The following HAAO variants were observed in gnomAD, a reference collection of about 807,000 sequenced individuals.
The protein encoded by HAAO is 3-hydroxyanthranilate oxygenase.
In HAAO, 49 loss-of-function variants were observed where a neutral mutation model predicts 46.2. The observed-to-expected ratio is 1.06, with a 90% CI of 0.84 to 1.34. The LOEUF is 1.34. Among genes scored for constraint, HAAO ranks in the 40% most tolerant of loss-of-function variants. The pLI is 0.00. For missense variants in HAAO, 408 were observed against 364.5 expected (o/e 1.12, Z -0.97); for synonymous variants, 157 against 145.2 (o/e 1.08, Z -0.58).
At position 42,770,502 on chromosome 2, in the gene HAAO, A is replaced by G; in HGVS notation, c.431T>C (p.Ile144Thr). ...CKDLGTQLAPIIQEFFSSEQY... is the reference protein window; with the variant it reads ...CKDLGTQLAPTIQEFFSSEQY... ...TGGGCTGGGGGCTCACTCCTGGATG[A>G]TGGGGGCCAACTGCGTGCCGAGGTC... Residue 144 changes from isoleucine (I) to threonine (T), a missense_variant, in exon 5 of 10, where the codon ATC becomes ACC. Transcript: ENST00000294973. 3 of 1,550,330 alleles carry G rather than the reference A, an allele frequency of 1.9e-6. No homozygotes were observed. Among genetic ancestry groups the G allele is most frequent in the Non-Finnish European group, 2.6e-6 (3 of 1,145,988 alleles).
chr2:42,788,768 T>C (rs940392944), intron 1 of HAAO, among the ~76,000 whole-genome samples, 161 bp from the exon 2 acceptor site: 1 of 152,238 alleles, frequency 6.6e-6, no homozygotes, highest in Non-Finnish European at 1.5e-5. Context: ...CCCCGGTTCA[T>C]GCCTGCGTGC....
chr2:42,788,640 A>G (rs745690562), intron 1 of HAAO, 33 bp from the exon 2 acceptor site: 1 of 1,296,598 alleles, frequency 7.7e-7, no homozygotes, highest in Non-Finnish European at 1.1e-6. Flanking sequence ...GACGTTCTAA[A>G]CCATCTCCTA....
At chr2:42,788,307 C>A (rs970447388) in intron 2 of HAAO, among the ~76,000 whole-genome samples, 1 of 152,196 alleles carries the variant, frequency 6.6e-6, no homozygotes, top group African/African-American at 2.4e-5. Context: ...TCCTGGGGCT[C>A]CCCCAGCAGA....
rs566869006 is a variant in HAAO, at chr2:42,775,399, A to C, written c.351-4817T>G. Among the ~76,000 whole-genome samples, 12 of 152,292 alleles carry C rather than the reference A, an allele frequency of 7.9e-5. No individual in the cohort carries two copies. The South Asian group carries it at 1.9e-3, about 24-fold the overall frequency. ...CTTTTGCTAGCCAGGCAAAACTGAA[A>C]GAGCAATGGCTGTACTTCTGAAACA... On this transcript the variant is annotated intron_variant, in intron 4 of 9. Coordinates refer to ENST00000294973, the MANE Select transcript of HAAO (RefSeq NM_012205.3).
Position 42,769,871 on chromosome 2 carries a change from C to G in HAAO, c.485-13G>C, listed in dbSNP as rs1416278794. The G allele has an allele frequency of 1.2e-6, 2 of 1,601,132 alleles. No homozygotes were observed. Among genetic ancestry groups the G allele is most frequent in the African/African-American group, 2.7e-5 (2 of 74,684 alleles). ...TTGAGCAGCTGGTCTGCACCCACAG[C>G]ATGACTATAGTCGGTGTCCTCAGGA... On this transcript the variant is annotated splice_polypyrimidine_tract_variant and intron_variant, in intron 6 of 9. Coordinates refer to ENST00000294973, the MANE Select transcript of HAAO (RefSeq NM_012205.3).
chr2:42,771,136 G>A (rs1187796075), intron 4 of HAAO, among the ~76,000 whole-genome samples: 1 of 152,078 alleles, frequency 6.6e-6, no homozygotes, highest in Non-Finnish European at 1.5e-5. Context: ...CAGCACTTTG[G>A]GAGGCTGAGA....
chr2:42,775,452 G>A (rs904744914), intron 4 of HAAO, among the ~76,000 whole-genome samples: 2 of 152,006 alleles, frequency 1.3e-5, no homozygotes, highest in African/African-American at 2.4e-5. Flanking sequence ...CTGAAATACG[G>A]TAATGAGATT....
intron 1 of HAAO, 138 bp from the exon 2 acceptor site, chr2:42,788,745 C>T (rs552788318): frequency 1.3e-4 from 90 of 681,078 alleles, no homozygotes; most frequent in Middle Eastern, 9.4e-4. Flanking sequence ...TGTCCCTGTT[C>T]CCCAACTCTC....
chr2:42,787,034 C>A (rs1390713510), intron 2 of HAAO, among the ~76,000 whole-genome samples: 3 of 152,128 alleles, frequency 2.0e-5, no homozygotes, highest in Non-Finnish European at 4.4e-5. Flanking sequence ...ACCACCCCGC[C>A]ACCAAAACCT....
intron 4 of HAAO, among the ~76,000 whole-genome samples, chr2:42,781,718 CA>C (rs1424950680): frequency 6.6e-6 from 1 of 151,796 alleles, no homozygotes; most frequent in African/African-American, 2.4e-5. Flanking sequence ...ACTAAAAATT[CA>C]AAAAATTAGC....
At chr2:42,782,732 C>G (rs143788834) in intron 4 of HAAO, 7,697 of 276,902 alleles carry the variant, frequency 0.028, 142 homozygotes, top group Middle Eastern at 0.074. Flanking sequence ...TAATCAGAAA[C>G]TCAAAAGAAT....
intron 9 of HAAO, 36 bp downstream of exon 9, chr2:42,767,559 T>C: frequency 6.3e-7 from 1 of 1,590,918 alleles, no homozygotes; most frequent in Non-Finnish European, 8.6e-7. Flanking sequence ...AGTTGGACCC[T>C]GAGGATCCCA....
intron 4 of HAAO, among the ~76,000 whole-genome samples, chr2:42,776,788 C>T (rs759926990): frequency 4.0e-5 from 6 of 151,550 alleles, no homozygotes; most frequent in East Asian, 4.0e-4. Context: ...CCTGCCACCA[C>T]GCCCAGCTAA....
intron 3 of HAAO, 71 bp from the exon 4 acceptor site, chr2:42,783,491 C>T (rs898447432): frequency 6.1e-6 from 6 of 986,998 alleles, no homozygotes; most frequent in Non-Finnish European, 9.4e-6. Flanking sequence ...CCCCAACATC[C>T]TGGGCATCCC....
intron 1 of HAAO, among the ~76,000 whole-genome samples, chr2:42,790,528 GTTTGTTTTTTT>G (rs1672711834): frequency 6.8e-6 from 1 of 147,744 alleles, no homozygotes; most frequent in Non-Finnish European, 1.5e-5. Context: ...AACCTGGAAA[GTTTGTTTTTTT>G]TTTTTTTTTT....
Position 42,767,614 on chromosome 2 carries a change from G to A in HAAO, c.763C>T (p.Leu255=). 6.4e-7 allele frequency: 1 copy of A among 1,574,558 alleles called. No individual in the cohort carries two copies. The stretch of plus-strand genomic sequence containing the variant: ...ACTCACGAGGTCCCAGCTAGCACCA[G>A]GAGGCTGTCATCAGGGGCCAGGCTC... The part of the protein sequence containing the change: ...RLSLAPDDSL[L]VLAGTSYAWE... The change falls in exon 9 of 10, where the codon CTG becomes TTG. Residue 255 remains leucine (L), a synonymous_variant. Coordinates refer to ENST00000294973, the MANE Select transcript of HAAO (RefSeq NM_012205.3).
chr2:42,792,197 A>C (rs569790840), intron 1 of HAAO, among the ~76,000 whole-genome samples: 134 of 152,192 alleles, frequency 8.8e-4, no homozygotes, highest in Non-Finnish European at 1.6e-3. Flanking sequence ...GGAGAGGTGC[A>C]CCCTGTCATG....
At position 42,783,810 on chromosome 2, in the gene HAAO, G is replaced by A. The variant is rs34183220; in HGVS notation, c.217C>T (p.Arg73Trp). 2.5e-5 allele frequency: 41 copies of A among 1,612,634 alleles called. No individual in the cohort carries two copies. Among genetic ancestry groups the A allele is most frequent in the East Asian group, 6.7e-5 (3 of 44,878 alleles). Residue 73 changes from arginine to tryptophan, a missense_variant, in exon 3 of 10, where the codon CGG becomes TGG. Coordinates refer to ENST00000294973, the MANE Select transcript of HAAO (RefSeq NM_012205.3). ...VLRVLEQGKHRDVVIRQGEIF... is the reference protein window; with the variant it reads ...VLRVLEQGKHWDVVIRQGEIF... ...TCTCCCTGCCGAATGACCACATCCC[G>A]GTGTTTCCCTTGCTCCAGGACTCGG...
chr2:42,779,145 A>G (rs1056844824), intron 4 of HAAO, among the ~76,000 whole-genome samples: 1 of 152,140 alleles, frequency 6.6e-6, no homozygotes, highest in African/African-American at 2.4e-5. Flanking sequence ...CAGTTTCTCT[A>G]TAAATTAGTC....
Sources: gnomAD v4.1 joint callset for allele counts (sites outside exome capture counted in the v4.1 genomes callset) on GRCh38, gnomAD v4.1.1 for gene constraint, MANE v1.5 for transcripts, NCBI Gene and HGNC (gene_info 2026-07-23, HGNC 2026-07-21) for gene names.